The following RIBC2 variants were observed in gnomAD, a reference collection of about 807,000 sequenced individuals.
RIBC2 encodes the protein RIB43A domain with coiled-coils 2.
Under a neutral mutation model 44.3 loss-of-function variants are expected in RIBC2, and 40 were observed. That is an observed-to-expected ratio of 0.90 (90% CI 0.70 to 1.18). RIBC2 has a LOEUF of 1.18. Ranked by LOEUF, RIBC2 falls within the 50% of genes most tolerant of loss-of-function variation. The pLI is 0.00. For missense variants in RIBC2, 459 were observed against 485.5 expected, an observed-to-expected ratio of 0.95 and a Z score of 0.51; for synonymous variants, 171 against 175.0, an observed-to-expected ratio of 0.98 and a Z score of 0.18.
chr22:45,425,795 A>G (rs1273027279), intron 4 of RIBC2, among the ~76,000 whole-genome samples, 153 bp from the exon 5 acceptor site: 4 of 152,060 alleles, frequency 2.6e-5, no homozygotes, highest in Non-Finnish European at 1.5e-5. Flanking sequence ...GGACCCACCC[A>G]CATCCGTGCC....
intron 3 of RIBC2, among the ~76,000 whole-genome samples, chr22:45,418,423 T>C (rs893591468): frequency 7.2e-5 from 11 of 152,088 alleles, no homozygotes; most frequent in African/African-American, 2.2e-4. Context: ...AGGGAACCTC[T>C]TGGGCAAAGG....
chr22:45,426,682 A>T (rs898263119), intron 5 of RIBC2, among the ~76,000 whole-genome samples: 4 of 152,034 alleles, frequency 2.6e-5, no homozygotes, highest in African/African-American at 9.7e-5. Context: ...TTGGACAGAG[A>T]AGTGACAGGA....
intron 5 of RIBC2, among the ~76,000 whole-genome samples, chr22:45,428,161 G>A (rs1385644410): frequency 6.6e-6 from 1 of 152,228 alleles, no homozygotes; most frequent in Non-Finnish European, 1.5e-5. Context: ...CAGGCTAAAC[G>A]CTGGATCCAG....
intron 3 of RIBC2, among the ~76,000 whole-genome samples, chr22:45,421,507 A>G (rs1274198351): frequency 2.3e-5 from 2 of 87,156 alleles, no homozygotes; most frequent in African/African-American, 5.7e-5. Context: ...TATTAATAAT[A>G]GTATTATTAA....
At chr22:45,419,765 G>A (rs2087460229) in intron 3 of RIBC2, among the ~76,000 whole-genome samples, 1 of 151,894 alleles carries the variant, frequency 6.6e-6, no homozygotes, top group Admixed American at 6.6e-5. Context: ...AGTGGCTCAT[G>A]CCTGTAATCC....
intron 5 of RIBC2, among the ~76,000 whole-genome samples, chr22:45,429,433 G>C (rs1257261645): frequency 6.6e-6 from 1 of 152,182 alleles, no homozygotes; most frequent in African/African-American, 2.4e-5. Context: ...CAAAGAGTGG[G>C]TGGAAGAGGC....
intron 2 of RIBC2, among the ~76,000 whole-genome samples, chr22:45,414,674 T>G (rs1157469686): frequency 6.6e-6 from 1 of 152,142 alleles, no homozygotes; most frequent in Non-Finnish European, 1.5e-5. Flanking sequence ...GTTGTCATTT[T>G]CACACTCTTC....
At chr22:45,421,319 A>G (rs987691873) in intron 3 of RIBC2, among the ~76,000 whole-genome samples, 1 of 89,002 alleles carries the variant, frequency 1.1e-5, no homozygotes, top group Non-Finnish European at 1.9e-5. Context: ...TATTATTATT[A>G]TTAATACTAT....
At chr22:45,428,781 C>G (rs1161930722) in intron 5 of RIBC2, among the ~76,000 whole-genome samples, 1 of 152,182 alleles carries the variant, frequency 6.6e-6, no homozygotes, top group Non-Finnish European at 1.5e-5. Flanking sequence ...GATGGTCAGA[C>G]AGTGCCCAGG....
rs779542754 is a variant in RIBC2, at chr22:45,417,751, CT to C, written c.362del (p.Leu121GlnfsTer31). On this transcript the variant is annotated frameshift_variant, in exon 3 of 7. Coordinates refer to ENST00000614167, the MANE Select transcript of RIBC2 (RefSeq NM_015653.5). LOFTEE classifies it high-confidence loss of function. Reference sequence around the variant, plus strand: ...CCGTGAATTTGATCTGTCCGACCCCCTAGCCCTTAAGAAAGATCTTCCAGCC... The same window carrying C: ...CCGTGAATTTGATCTGTCCGACCCCCAGCCCTTAAGAAAGATCTTCCAGCC... The part of the protein sequence containing the change: ...TRREFDLSDP[L>X]ALKKDLPARQ... 2 of 1,614,034 alleles carry C rather than the reference CT, an allele frequency of 1.2e-6. No homozygotes were observed. Among genetic ancestry groups the C allele is most frequent in the Admixed American group, 1.7e-5 (1 of 60,008 alleles).
chr22:45,429,329 G>C (rs1318247195), intron 5 of RIBC2, among the ~76,000 whole-genome samples: 1 of 152,220 alleles, frequency 6.6e-6, no homozygotes, highest in Non-Finnish European at 1.5e-5. Flanking sequence ...AGGCAGGAGA[G>C]CTGAGCAGCT....
At chr22:45,420,146 G>A (rs1457474482) in intron 3 of RIBC2, among the ~76,000 whole-genome samples, 1 of 152,112 alleles carries the variant, frequency 6.6e-6, no homozygotes, top group Non-Finnish European at 1.5e-5. Flanking sequence ...TCACAGTCTG[G>A]CCTTATCTCC....
Position 45,422,394 on chromosome 22 carries a change from T to TTCAACA in RIBC2, c.662_667dup (p.Asn222_Lys223insIleAsn). On this transcript the variant is annotated inframe_insertion, in exon 4 of 7. Coordinates refer to ENST00000614167, the MANE Select transcript of RIBC2 (RefSeq NM_015653.5). ...GGCAGTTTGTGCATCTGTGAAAGACTTCAACAAGAGCCAGGTATAGGTACT... is the reference window on the plus strand; with the variant it reads ...GGCAGTTTGTGCATCTGTGAAAGACTTCAACATCAACAAGAGCCAGGTATAGGTACT... 6.2e-7 allele frequency: 1 copy of TTCAACA among 1,613,646 alleles called. No homozygotes were observed. The highest frequency in any genetic ancestry group is 8.5e-7 in the Non-Finnish European group (1 of 1,179,558).
intron 5 of RIBC2, among the ~76,000 whole-genome samples, chr22:45,430,117 G>C (rs938565970): frequency 6.6e-6 from 1 of 152,164 alleles, no homozygotes; most frequent in African/African-American, 2.4e-5. Flanking sequence ...GACTTGCCTC[G>C]TGGGTGACAA....
chr22:45,430,943 G>A lies in RIBC2; in HGVS notation c.947G>A (p.Arg316Gln), dbSNP rs542907635. 1.4e-5 allele frequency: 22 copies of A among 1,610,322 alleles called. No individual in the cohort carries two copies. The Middle Eastern group carries it at 1.0e-3, about 73-fold the overall frequency. Reference protein sequence around the residue: ...EKRQRDLDWDRRRIQGARATL... With the variant: ...EKRQRDLDWDQRRIQGARATL... Reference sequence around the variant, plus strand: ...CGCCAGCGAGACCTGGACTGGGACCGGCGGAGGATTCAGGGGGCTCGCGCC... The same window carrying A: ...CGCCAGCGAGACCTGGACTGGGACCAGCGGAGGATTCAGGGGGCTCGCGCC... The change falls in exon 6 of 7, where the codon CGG (arginine) becomes CAG (glutamine). Residue 316 changes from arginine (R) to glutamine (Q), a missense_variant. By Grantham distance (43) the Arg-to-Gln change is conservative. Coordinates refer to ENST00000614167, the MANE Select transcript of RIBC2 (RefSeq NM_015653.5).
rs1407978951 is a variant in RIBC2, at chr22:45,413,876, T to G, written c.-11T>G. ...TGATCCTGCGTGTTCTAAAAACCCC[T>G]TAGGCTTTCCATGGGTTCCCAGACC... On this transcript the variant is annotated 5_prime_UTR_variant, in exon 1 of 7. Coordinates refer to ENST00000614167, the MANE Select transcript of RIBC2 (RefSeq NM_015653.5). The G allele has an allele frequency of 6.5e-7, 1 of 1,548,356 alleles. No individual in the cohort carries two copies. Among genetic ancestry groups the G allele is most frequent in the Non-Finnish European group, 8.7e-7 (1 of 1,144,922 alleles).
Position 45,413,740 on chromosome 22 carries a change from T to A in RIBC2, c.-147T>A, listed in dbSNP as rs182053716. 2.4e-4 allele frequency: 294 copies of A among 1,244,122 alleles called. 1 individual carries two copies. Among genetic ancestry groups the A allele is most frequent in the Non-Finnish European group, 2.6e-4 (237 of 902,938 alleles). The allele number at this position is 1,244,122 out of a possible 1,614,324, so 77.1% of individuals were successfully genotyped here. ...CGGGAGCGTCTGTACCTCTGCGGCG[T>A]CACTGGGAGCCCGACGGAAAACTGC... On this transcript the variant is annotated 5_prime_UTR_variant, in exon 1 of 7. Transcript: ENST00000614167.
intron 3 of RIBC2, among the ~76,000 whole-genome samples, chr22:45,420,210 C>T (rs938129701): frequency 2.6e-5 from 4 of 152,150 alleles, no homozygotes; most frequent in Non-Finnish European, 4.4e-5. Context: ...TGTTTTCAGA[C>T]GTGAGTATAT....
chr22:45,417,691 G>T lies in RIBC2; in HGVS notation c.301G>T (p.Asp101Tyr). The T allele has an allele frequency of 6.2e-7, 1 of 1,614,108 alleles. No individual in the cohort carries two copies. Among genetic ancestry groups the T allele is most frequent in the South Asian group, 1.1e-5 (1 of 91,064 alleles). Residue 101 changes from aspartate (D) to tyrosine (Y), a missense_variant, in exon 3 of 7, where the codon GAC (aspartate) becomes TAC (tyrosine). Asp to Tyr is a radical substitution (Grantham distance 160). Coordinates refer to ENST00000614167, the MANE Select transcript of RIBC2 (RefSeq NM_015653.5). ...GAAAAATCTCTGTAGGGCTATCAAT[G>T]ACTTCCAACAGAGCTTTCAGAAGCC... The part of the protein sequence containing the change: ...DRKNLCRAIN[D>Y]FQQSFQKPET...
Sources: allele counts gnomAD v4.1 joint callset (sites outside exome capture counted in the v4.1 genomes callset), GRCh38; gene constraint gnomAD v4.1.1; transcripts MANE v1.5; gene names NCBI Gene and HGNC (gene_info 2026-07-23, HGNC 2026-07-21).